CLYBL: variants seen among roughly 807,000 people sequenced by gnomAD.
CLYBL encodes citramalyl-CoA lyase, also known as citramalyl-CoA lyase, mitochondrial.
A neutral mutation model predicts 38.9 loss-of-function variants in CLYBL; 31 were observed. The ratio of observed to expected loss-of-function variants is 0.80; its 90% CI spans 0.60 to 1.08. The LOEUF is 1.08. Among genes scored for constraint, CLYBL ranks in the 50% least tolerant of loss-of-function variants. The pLI is 0.00. For missense variants in CLYBL, 434 were observed against 411.6 expected, an observed-to-expected ratio of 1.05 and a Z score of -0.47; for synonymous variants, 171 against 158.6, an observed-to-expected ratio of 1.08 and a Z score of -0.59.
chr13:99,716,169 A>ATTTTTTTTTTTTTTTTTTTTT lies in CLYBL; in HGVS notation c.63-56637_63-56617dup, dbSNP rs4001024. Among the ~76,000 whole-genome samples the ATTTTTTTTTTTTTTTTTTTTT allele has an allele frequency of 3.9e-4, 13 of 33,464 alleles. 5 individuals are homozygous for ATTTTTTTTTTTTTTTTTTTTT. The highest frequency in any genetic ancestry group is 4.9e-4 in the Non-Finnish European group (8 of 16,382). 22.0% of individuals were successfully genotyped at this position (33,464 alleles called of 152,430 possible). A position where few individuals can be genotyped will look rare whatever the true frequency, so the allele number is the denominator to read the frequency against. ...AAATTGTCCTTGCTTTATTGGTGTAATTTTTTTTTTTTTTTTTTTTTTTTT... is the reference window on the plus strand; with the variant it reads ...AAATTGTCCTTGCTTTATTGGTGTAATTTTTTTTTTTTTTTTTTTTTTTTTTTTTTTTTTTTTTTTTTTTTT... On this transcript the variant is annotated intron_variant, in intron 1 of 8. Coordinates refer to ENST00000339105, the MANE Select transcript of CLYBL (RefSeq NM_206808.5).
At chr13:99,778,246 TTTC>T (rs938079834) in intron 2 of CLYBL, among the ~76,000 whole-genome samples, 2 of 152,218 alleles carry the variant, frequency 1.3e-5, no homozygotes, top group African/African-American at 4.8e-5. Context: ...CTTAATCATG[TTTC>T]TTATTTGAAT....
intron 1 of CLYBL, among the ~76,000 whole-genome samples, chr13:99,630,753 A>G (rs1444207191): frequency 6.6e-6 from 1 of 152,128 alleles, no homozygotes; most frequent in East Asian, 1.9e-4. Flanking sequence ...ATTCTTGGAG[A>G]AGACTACAGT....
chr13:99,823,767 A>G (rs757328009), intron 2 of CLYBL, among the ~76,000 whole-genome samples: 69 of 152,198 alleles, frequency 4.5e-4, no homozygotes, highest in Non-Finnish European at 9.7e-4. Flanking sequence ...TGGACTCTCC[A>G]ACAGAGCCGT....
rs191587274 is a variant in CLYBL, at chr13:99,854,989, G to A, written c.250-3872G>A. Among the ~76,000 whole-genome samples the A allele has an allele frequency of 4.7e-4, 71 of 152,284 alleles. 1 individual carries two copies. Among genetic ancestry groups the A allele is most frequent in the Admixed American group, 1.3e-3 (20 of 15,300 alleles). ...TTTGGGAACACCATTTTTTAGAATG[G>A]GGGCCTGCAAAGATTGTAATCTGTG... On this transcript the variant is annotated intron_variant, in intron 2 of 8. Coordinates refer to ENST00000339105, the MANE Select transcript of CLYBL (RefSeq NM_206808.5).
chr13:99,609,715 C>T (rs2793751), intron 1 of CLYBL, among the ~76,000 whole-genome samples: 120,057 of 151,816 alleles, frequency 0.79, 47,611 homozygotes, highest in East Asian at 0.87. Flanking sequence ...TGTTTCTATT[C>T]TTTTGTAGAA....
intron 7 of CLYBL, among the ~76,000 whole-genome samples, chr13:99,873,447 G>A (rs1305918782): frequency 6.6e-6 from 1 of 152,176 alleles, no homozygotes. Context: ...AAGCACAGAT[G>A]ACTCTCTCAA....
intron 1 of CLYBL, among the ~76,000 whole-genome samples, chr13:99,658,043 G>A (rs908373760): frequency 3.3e-5 from 5 of 152,214 alleles, no homozygotes; most frequent in Admixed American, 6.5e-5. Flanking sequence ...AGCCCTCCCT[G>A]CCCGCTGGTG....
chr13:99,778,355 T>TA (rs1417772894), intron 2 of CLYBL, among the ~76,000 whole-genome samples: 5 of 152,198 alleles, frequency 3.3e-5, no homozygotes, highest in African/African-American at 1.2e-4. Flanking sequence ...TCAGATTATC[T>TA]AGTTAGAGTC....
chr13:99,699,200 A>AC (rs1297944757), intron 1 of CLYBL, among the ~76,000 whole-genome samples: 1 of 152,114 alleles, frequency 6.6e-6, no homozygotes, highest in East Asian at 1.9e-4. Flanking sequence ...AGCCTGACCA[A>AC]CATGGAGAAA....
intron 1 of CLYBL, among the ~76,000 whole-genome samples, chr13:99,637,863 G>C (rs2047041524): frequency 6.6e-6 from 1 of 151,546 alleles, no homozygotes; most frequent in African/African-American, 2.4e-5. Context: ...TTTCTGAAAA[G>C]CTTTCAAGGA....
At chr13:99,699,979 G>A (rs2048039757) in intron 1 of CLYBL, among the ~76,000 whole-genome samples, 1 of 151,568 alleles carries the variant, frequency 6.6e-6, no homozygotes, top group African/African-American at 2.4e-5. Flanking sequence ...GCGACAGAGC[G>A]AGACTCCATC....
intron 2 of CLYBL, among the ~76,000 whole-genome samples, chr13:99,792,472 A>T (rs1249757939): frequency 6.6e-6 from 1 of 152,172 alleles, no homozygotes; most frequent in Non-Finnish European, 1.5e-5. Context: ...ACTCAGGACA[A>T]CCAGGAGGGC....
At position 99,865,979 on chromosome 13, in the gene CLYBL, C is replaced by T. The variant is rs1194104268; in HGVS notation, c.635-261C>T. Reference sequence around the variant, plus strand: ...CCCTTGCGACCCTGACCCAGCCTCCCAGAATGGGGAAGGGGCCTTCTCTTA... The same window carrying T: ...CCCTTGCGACCCTGACCCAGCCTCCTAGAATGGGGAAGGGGCCTTCTCTTA... On this transcript the variant is annotated intron_variant, in intron 5 of 8. Coordinates refer to ENST00000339105, the MANE Select transcript of CLYBL (RefSeq NM_206808.5). This position sits in a 1 kb window ranked among gnomAD's most constrained non-coding sequence, Gnocchi z 4.7. 1.3e-5 allele frequency among the ~76,000 whole-genome samples: 2 copies of T among 152,216 alleles called. No homozygotes were observed. Among genetic ancestry groups the T allele is most frequent in the Non-Finnish European group, 2.9e-5 (2 of 68,042 alleles).
At chr13:99,805,220 A>T (rs2050208592) in intron 2 of CLYBL, among the ~76,000 whole-genome samples, 1 of 152,166 alleles carries the variant, frequency 6.6e-6, no homozygotes, top group African/African-American at 2.4e-5. Context: ...GTTGCCATGA[A>T]CATGGGTGTA....
chr13:99,870,166 C>T (rs1040557173), intron 6 of CLYBL, among the ~76,000 whole-genome samples: 7 of 151,990 alleles, frequency 4.6e-5, no homozygotes, highest in Admixed American at 6.6e-5. Context: ...GGGAAATACC[C>T]AGTCTTGATT....
intron 2 of CLYBL, among the ~76,000 whole-genome samples, chr13:99,795,935 C>A (rs540273201): frequency 5.3e-5 from 8 of 152,306 alleles, no homozygotes; most frequent in African/African-American, 1.4e-4. Context: ...TGCAGGTCTG[C>A]AGGGCATGGG....
chr13:99,737,868 G>A (rs763863380), intron 1 of CLYBL, among the ~76,000 whole-genome samples: 14 of 152,022 alleles, frequency 9.2e-5, no homozygotes, highest in Non-Finnish European at 1.8e-4. Flanking sequence ...TACTGTGCGC[G>A]TCAATTTTTT....
intron 7 of CLYBL, among the ~76,000 whole-genome samples, chr13:99,887,857 GTT>G (rs199802222): frequency 6.7e-5 from 10 of 148,798 alleles, no homozygotes; most frequent in African/African-American, 2.2e-4. Flanking sequence ...GGGATTTGGG[GTT>G]TTTTTTTTTT....
chr13:99,904,023 T>C (rs9585265), intron 8 of CLYBL, among the ~76,000 whole-genome samples: 33 of 150,900 alleles, frequency 2.2e-4, no homozygotes, highest in African/African-American at 6.4e-4. Context: ...CCAGCCTGGA[T>C]GACAGAGTGA....
Sources: gnomAD v4.1 joint callset for allele counts (sites outside exome capture counted in the v4.1 genomes callset) on GRCh38, gnomAD v4.1.1 for gene constraint, Gnocchi (gnomAD v3.1) non-coding constraint, MANE v1.5 for transcripts, NCBI Gene and HGNC (gene_info 2026-07-23, HGNC 2026-07-21) for gene names.